ADAMTS10: variants seen among roughly 807,000 people sequenced by gnomAD.
ADAMTS10 encodes the protein ADAM metallopeptidase with thrombospondin type 1 motif 10, also known as A disintegrin and metalloproteinase with thrombospondin motifs 10.
ADAMTS10 carries 48 observed loss-of-function variants against 135.9 expected under a neutral mutation model. That is an observed-to-expected ratio of 0.35 (90% CI 0.28 to 0.45). The LOEUF is 0.45. Among genes scored for constraint, ADAMTS10 ranks in the 20% least tolerant of loss-of-function variants. The probability of loss-of-function intolerance (pLI) is 1.00; values close to 1 mark genes in which losing one functional copy is unlikely to be tolerated. For synonymous variants in ADAMTS10, 621 were observed against 647.5 expected (o/e 0.96, Z 0.62); for missense variants, 1,131 against 1,565.2 (o/e 0.72, Z 4.68).
intron 6 of ADAMTS10, 149 bp from the exon 7 acceptor site, chr19:8,597,466 CT>C (rs2042619148): frequency 8.4e-6 from 5 of 592,158 alleles, no homozygotes; most frequent in Non-Finnish European, 1.2e-5. Context: ...TTTTTTGTTG[CT>C]GTTGTTGTTA....
Position 8,586,837 on chromosome 19 carries a change from T to A in ADAMTS10, c.2218A>T (p.Asn740Tyr). ...TCACCCAAGTGACTGAGAGAGAGGT[T>A]CAGATCCTGGATGAAGATGTGGACG... The part of the protein sequence containing the change: ...GSVHIFIQDL[N>Y]LSLSHLALKG... Residue 740 changes from asparagine (N) to tyrosine (Y), a missense_variant, in exon 19 of 26, where the codon AAC (asparagine) becomes TAC (tyrosine). This residue lies in a region of ADAMTS10 where 745 missense variants were observed against 1,056.3 expected (regional missense o/e 0.71). Coordinates refer to ENST00000597188, the MANE Select transcript of ADAMTS10 (RefSeq NM_030957.4). The A allele has an allele frequency of 6.2e-7, 1 of 1,614,106 alleles. No homozygotes were observed. Among genetic ancestry groups the A allele is most frequent in the Non-Finnish European group, 8.5e-7 (1 of 1,180,022 alleles).
intron 18 of ADAMTS10, among the ~76,000 whole-genome samples, chr19:8,587,471 CT>C (rs112605791): frequency 5.0e-4 from 68 of 135,862 alleles, no homozygotes; most frequent in Admixed American, 6.0e-4. Flanking sequence ...GCCTGGCCAG[CT>C]TTTTTTTTTT....
At chr19:8,592,441 G>A (rs1294749068) in intron 13 of ADAMTS10, among the ~76,000 whole-genome samples, 2 of 151,810 alleles carry the variant, frequency 1.3e-5, no homozygotes, top group Non-Finnish European at 2.9e-5. Flanking sequence ...GCAGCACAGG[G>A]GATGGGCGTG....
intron 12 of ADAMTS10, among the ~76,000 whole-genome samples, chr19:8,594,380 A>G (rs557306515): frequency 6.6e-6 from 1 of 152,332 alleles, no homozygotes; most frequent in East Asian, 1.9e-4. Context: ...GACCACCACT[A>G]TCTCTGGACC....
At chr19:8,591,350 G>A (rs2146061751) in intron 15 of ADAMTS10, among the ~76,000 whole-genome samples, 1 of 152,150 alleles carries the variant, frequency 6.6e-6, no homozygotes, top group African/African-American at 2.4e-5. Flanking sequence ...GAAGGTGGTG[G>A]GGGTCAGGGA....
intron 2 of ADAMTS10, among the ~76,000 whole-genome samples, chr19:8,607,101 A>T (rs2042729438): frequency 2.0e-5 from 3 of 152,100 alleles, no homozygotes; most frequent in East Asian, 3.9e-4. Flanking sequence ...AGGCACTTGA[A>T]GGGGGGGCTG....
chr19:8,599,979 T>C (rs1555741080), intron 6 of ADAMTS10, among the ~76,000 whole-genome samples: 1 of 151,530 alleles, frequency 6.6e-6, no homozygotes, highest in African/African-American at 2.4e-5. Flanking sequence ...GGATTACAGG[T>C]GCCCGCCACC....
At chr19:8,588,799 C>CT (rs1314378307) in intron 18 of ADAMTS10, among the ~76,000 whole-genome samples, 24 of 148,206 alleles carry the variant, frequency 1.6e-4, no homozygotes, top group Non-Finnish European at 2.1e-4. Flanking sequence ...CTGAGACACT[C>CT]TTTTTTTTTT....
chr19:8,605,216 G>C lies in ADAMTS10; in HGVS notation c.231C>G (p.Phe77Leu). The C allele has an allele frequency of 6.2e-7, 1 of 1,613,918 alleles. No homozygotes were observed. The highest frequency in any genetic ancestry group is 1.7e-5 in the Admixed American group (1 of 60,014). ...GGGTGCTGGGCGAGGCCACTTTGTAGAAGAGGCGGGACTCGGCTGTGGCCC... is the reference window on the plus strand; with the variant it reads ...GGGTGCTGGGCGAGGCCACTTTGTACAAGAGGCGGGACTCGGCTGTGGCCC... ...GTGATAESRL[F>L]YKVASPSTHF... The change falls in exon 4 of 26, where the codon TTC (phenylalanine) becomes TTG (leucine). Residue 77 changes from phenylalanine to leucine, a missense_variant. Phe to Leu is a conservative substitution (Grantham distance 22, BLOSUM62 0). Around this residue, in one of 3 missense-constraint regions of ADAMTS10, gnomAD observed 306 missense variants for 344.4 expected, o/e 0.89. Coordinates refer to ENST00000597188, the MANE Select transcript of ADAMTS10 (RefSeq NM_030957.4). The surrounding 1 kb of genome is among the most constrained non-coding windows in gnomAD (Gnocchi z 7.7).
At position 8,596,658 on chromosome 19, in the gene ADAMTS10, C is replaced by T; in HGVS notation, c.1041-73G>A. 6.4e-7 allele frequency: 1 copy of T among 1,574,426 alleles called. No homozygotes were observed. The highest frequency in any genetic ancestry group is 8.7e-7 in the Non-Finnish European group (1 of 1,154,322). On this transcript the variant is annotated intron_variant, in intron 8 of 25. Transcript: ENST00000597188. The surrounding 1 kb of genome is among the most constrained non-coding windows in gnomAD (Gnocchi z 7.2). ...GCCCTGCTGATGCCACCATGCCCAG[C>T]TCTGGGGGTTGAGTCCTGCCTTGGA...
chr19:8,595,596 C>T lies in ADAMTS10; in HGVS notation c.1479+166G>A, dbSNP rs1600109406. 4.7e-6 allele frequency: 5 copies of T among 1,073,452 alleles called. 1 individual carries two copies. Among genetic ancestry groups the T allele is most frequent in the Admixed American group, 2.0e-5 (1 of 50,180 alleles). 66.5% of individuals were successfully genotyped at this position (1,073,452 alleles called of 1,614,324 possible). On this transcript the variant is annotated intron_variant, in intron 12 of 25. Coordinates refer to ENST00000597188, the MANE Select transcript of ADAMTS10 (RefSeq NM_030957.4). ...CTGATTGCTTAGGACATTTTGCACA[C>T]TCCATGCACCTCTGTCCTCCCAGGT...
Position 8,605,401 on chromosome 19 carries a change from T to A in ADAMTS10, c.89-43A>T, listed in dbSNP as rs1555742394. The A allele has an allele frequency of 6.5e-7, 1 of 1,543,276 alleles. No individual in the cohort carries two copies. The highest frequency in any genetic ancestry group is 1.2e-5 in the South Asian group (1 of 84,582). On this transcript the variant is annotated intron_variant, in intron 3 of 25. Coordinates refer to ENST00000597188, the MANE Select transcript of ADAMTS10 (RefSeq NM_030957.4). The surrounding 1 kb of genome is among the most constrained non-coding windows in gnomAD (Gnocchi z 7.7). ...AGGCCTGGGGTGGGCCCTGGTCTTA[T>A]TGGACCCCTGTGTCCTGGCTGTTAG...
Position 8,585,436 on chromosome 19 carries a change from G to T in ADAMTS10, c.2865+20C>A. Reference sequence around the variant, plus strand: ...CCCACCTGGGCATCCCAGTGGGCGCGAAGGAAGGGGGCGGCTGACCTCAGA... The same window carrying T: ...CCCACCTGGGCATCCCAGTGGGCGCTAAGGAAGGGGGCGGCTGACCTCAGA... On this transcript the variant is annotated intron_variant, in intron 23 of 25. Transcript: ENST00000597188. 6.5e-7 allele frequency: 1 copy of T among 1,537,270 alleles called. No homozygotes were observed. Among genetic ancestry groups the T allele is most frequent in the Non-Finnish European group, 8.8e-7 (1 of 1,142,486 alleles).
chr19:8,585,741 C>G, intron 22 of ADAMTS10, 81 bp from the exon 23 acceptor site: 1 of 1,376,960 alleles, frequency 7.3e-7, no homozygotes, highest in South Asian at 1.2e-5. Context: ...TAGCCTACCC[C>G]CACCCTTCCA....
At chr19:8,600,645 C>T (rs1369379428) in intron 6 of ADAMTS10, among the ~76,000 whole-genome samples, 11 of 151,816 alleles carry the variant, frequency 7.2e-5, no homozygotes, top group African/African-American at 1.5e-4. Context: ...ACTACAGGCG[C>T]CCGCCACCAC....
rs571080944 is a variant in ADAMTS10 at position 8,589,895 on chromosome 19, G to A, written c.1894C>T (p.Arg632Trp). The A allele has an allele frequency of 2.4e-5, 38 of 1,613,518 alleles. No homozygotes were observed. The Admixed American group carries it at 3.5e-4, about 15-fold the overall frequency. The change falls in exon 16 of 26, where the codon CGG (arginine) becomes TGG (tryptophan). Residue 632 changes from arginine (R) to tryptophan (W), a missense_variant. Physicochemically the swap from Arg to Trp is moderately radical, Grantham distance 101. This residue lies in a region of ADAMTS10 where 745 missense variants were observed against 1,056.3 expected (regional missense o/e 0.71). Coordinates refer to ENST00000597188, the MANE Select transcript of ADAMTS10 (RefSeq NM_030957.4). ...RGKFYKWKTY[R>W]GGGVKACSLT... ...TTTGGAGTCCCACACTCACCTCCCC[G>A]GTACGTTTTCCACTTGTAGAATTTC...
chr19:8,590,488 C>T (rs1434547467), intron 15 of ADAMTS10, among the ~76,000 whole-genome samples: 2 of 151,578 alleles, frequency 1.3e-5, no homozygotes, highest in Non-Finnish European at 2.9e-5. Context: ...GACAGAGTTT[C>T]GCTCTCGTTG....
Position 8,591,854 on chromosome 19 carries a change from G to C in ADAMTS10, c.1743C>G (p.Ile581Met). 1.2e-6 allele frequency: 2 copies of C among 1,613,640 alleles called. No individual in the cohort carries two copies. The highest frequency in any genetic ancestry group is 1.7e-6 in the Non-Finnish European group (2 of 1,180,024). ...TCTCACCCAGACAGTACTTGCCCCC[G>C]ATGGTTGGCCTGGAAAGGGTGGTGG... The part of the protein sequence containing the change: ...SRHCDSPRPT[I>M]GGKYCLGERR... Residue 581 changes from isoleucine to methionine, a missense_variant, in exon 15 of 26, where the codon ATC (isoleucine) becomes ATG (methionine). Ile to Met is a conservative substitution (Grantham distance 10). Transcript: ENST00000597188.
intron 2 of ADAMTS10, among the ~76,000 whole-genome samples, chr19:8,607,542 C>T (rs574163199): frequency 5.3e-5 from 8 of 152,292 alleles, no homozygotes; most frequent in African/African-American, 1.9e-4. Flanking sequence ...CTCCTCTGTG[C>T]AAAATCCCTT....
Sources: gnomAD v4.1 joint callset for allele counts (sites outside exome capture counted in the v4.1 genomes callset) on GRCh38, gnomAD v4.1.1 for gene constraint, gnomAD v4.1.1 regional missense constraint, Gnocchi (gnomAD v3.1) non-coding constraint, MANE v1.5 for transcripts, NCBI Gene and HGNC (gene_info 2026-07-23, HGNC 2026-07-21) for gene names.